Variants in RBKS observed in about 807,000 individuals in gnomAD.
The protein encoded by RBKS is ribokinase.
A neutral mutation model predicts 33.9 loss-of-function variants in RBKS; 33 were observed. The ratio of observed to expected loss-of-function variants is 0.97; its 90% CI spans 0.74 to 1.30. RBKS has a LOEUF of 1.30. RBKS is among the 50% of genes most tolerant of loss of function. RBKS has a pLI of 0.00. For missense variants in RBKS, 361 were observed against 392.6 expected, an observed-to-expected ratio of 0.92 and a Z score of 0.68; for synonymous variants, 125 against 143.0, an observed-to-expected ratio of 0.87 and a Z score of 0.90.
At chr2:27,857,596 G>C (rs1663883178) in intron 2 of RBKS, among the ~76,000 whole-genome samples, 1 of 152,172 alleles carries the variant, frequency 6.6e-6, no homozygotes, top group Non-Finnish European at 1.5e-5. Flanking sequence ...GTTATTACAA[G>C]AAGTTTCCAA....
At chr2:27,820,034 G>C (rs542202474) in intron 7 of RBKS, among the ~76,000 whole-genome samples, 1 of 152,322 alleles carries the variant, frequency 6.6e-6, no homozygotes, top group East Asian at 1.9e-4. Flanking sequence ...CCAGTTACAT[G>C]AAGATTATGA....
At chr2:27,839,109 A>G (rs1354949539) in intron 5 of RBKS, among the ~76,000 whole-genome samples, 3 of 152,148 alleles carry the variant, frequency 2.0e-5, no homozygotes, top group South Asian at 4.1e-4. Flanking sequence ...TTTGCTGTCC[A>G]TTACTCTAGA....
chr2:27,807,827 TC>T (rs1480785824), intron 7 of RBKS, among the ~76,000 whole-genome samples: 1 of 151,624 alleles, frequency 6.6e-6, no homozygotes, highest in Admixed American at 6.6e-5. Context: ...TGGGGGGGAA[TC>T]CCAGCAGAAA....
chr2:27,833,780 G>T (rs1288052502), intron 5 of RBKS, among the ~76,000 whole-genome samples: 1 of 152,192 alleles, frequency 6.6e-6, no homozygotes, highest in Non-Finnish European at 1.5e-5. Flanking sequence ...CAAGTCTTTA[G>T]AAATTACATT....
At position 27,841,348 on chromosome 2, in the gene RBKS, G is replaced by C. The variant is rs146883299; in HGVS notation, c.514+1719C>G. On this transcript the variant is annotated intron_variant, in intron 5 of 7. Coordinates refer to ENST00000302188, the MANE Select transcript of RBKS (RefSeq NM_022128.3). ...GCAGTAAGGGATAGTAGGAAAAAAA[G>C]AGAAGTTACACGAGAATGTGCTTTG... Among the ~76,000 whole-genome samples, 140 of 152,322 alleles carry C rather than the reference G, an allele frequency of 9.2e-4. 1 individual carries two copies. The highest frequency in any genetic ancestry group is 1.3e-3 in the African/African-American group (52 of 41,572).
chr2:27,820,948 G>C (rs1172702969), intron 7 of RBKS, among the ~76,000 whole-genome samples: 1 of 149,550 alleles, frequency 6.7e-6, no homozygotes, highest in African/African-American at 2.5e-5. Context: ...GCTGAGGCAG[G>C]AGAATCGCTT....
intron 1 of RBKS, chr2:27,870,797 C>T (rs1664193448): frequency 6.4e-6 from 3 of 465,772 alleles, no homozygotes; most frequent in Non-Finnish European, 1.3e-5. Context: ...TTCAGTTTTC[C>T]TGACATGTAA....
Position 27,786,147 on chromosome 2 carries a change from A to AT in RBKS, c.796-4360dup, listed in dbSNP as rs927823771. Among the ~76,000 whole-genome samples the AT allele has an allele frequency of 1.4e-4, 21 of 152,328 alleles. 1 individual carries two copies. The highest frequency in any genetic ancestry group is 5.8e-4 in the East Asian group (3 of 5,190). ...TACCTATCTATATGAGCATATGTGTATTTTTTTAAAGAATATAGAGAAAAA... is the reference window on the plus strand; with the variant it reads ...TACCTATCTATATGAGCATATGTGTATTTTTTTTAAAGAATATAGAGAAAAA... On this transcript the variant is annotated intron_variant, in intron 7 of 7. Coordinates refer to ENST00000302188, the MANE Select transcript of RBKS (RefSeq NM_022128.3).
intron 1 of RBKS, among the ~76,000 whole-genome samples, chr2:27,889,003 G>A (rs1478633786): frequency 6.6e-6 from 1 of 152,180 alleles, no homozygotes; most frequent in Non-Finnish European, 1.5e-5. Context: ...TCTAATATTT[G>A]TGGAAAAATA....
At chr2:27,860,975 C>CT (rs386389784) in intron 1 of RBKS, among the ~76,000 whole-genome samples, 37,862 of 149,430 alleles carry the variant, frequency 0.25, 5,644 homozygotes, top group East Asian at 0.62. Flanking sequence ...CTCTTTCTCT[C>CT]TTTTTTTTTT....
intron 5 of RBKS, among the ~76,000 whole-genome samples, chr2:27,839,036 C>T (rs1185326713): frequency 1.3e-5 from 2 of 152,064 alleles, no homozygotes; most frequent in Admixed American, 6.6e-5. Flanking sequence ...TCAGAGAAAC[C>T]GGGGAAGAAA....
intron 1 of RBKS, chr2:27,861,669 G>A: frequency 2.3e-6 from 1 of 429,778 alleles, no homozygotes; most frequent in Non-Finnish European, 4.8e-6. Context: ...TTTTTGGGGG[G>A]GGGGTGGAGT....
intron 5 of RBKS, among the ~76,000 whole-genome samples, chr2:27,834,726 T>G (rs56172905): frequency 0.07 from 10,725 of 152,298 alleles, 738 homozygotes; most frequent in African/African-American, 0.18. Context: ...GCTCACCTAG[T>G]GTAATCCACA....
At chr2:27,847,827 C>A (rs1034479141) in intron 3 of RBKS, among the ~76,000 whole-genome samples, 1 of 152,190 alleles carries the variant, frequency 6.6e-6, no homozygotes, top group African/African-American at 2.4e-5. Context: ...AGGTTTGTAA[C>A]CTCCTATCAT....
chr2:27,831,183 C>T (rs1471764007), intron 6 of RBKS, among the ~76,000 whole-genome samples: 1 of 141,262 alleles, frequency 7.1e-6, no homozygotes, highest in Non-Finnish European at 1.5e-5. Flanking sequence ...ATAATTATTG[C>T]TGTTGTAAGC....
chr2:27,866,071 C>A (rs781695149), intron 1 of RBKS, among the ~76,000 whole-genome samples: 6 of 152,046 alleles, frequency 3.9e-5, no homozygotes, highest in Non-Finnish European at 5.9e-5. Context: ...TTTGGTTCCA[C>A]CTAAAGGAAC....
intron 7 of RBKS, among the ~76,000 whole-genome samples, chr2:27,787,208 G>A (rs993090710): frequency 6.6e-6 from 1 of 152,112 alleles, no homozygotes; most frequent in African/African-American, 2.4e-5. Flanking sequence ...GCTCACGTCT[G>A]TAATCCCAGC....
At position 27,814,185 on chromosome 2, in the gene RBKS, C is replaced by T. The variant is rs573220940; in HGVS notation, c.795+13382G>A. Among the ~76,000 whole-genome samples the T allele has an allele frequency of 3.3e-5, 5 of 152,276 alleles. No individual in the cohort carries two copies. In the South Asian group the frequency reaches 1.0e-3, roughly 32 times the overall value. On this transcript the variant is annotated intron_variant, in intron 7 of 7. Coordinates refer to ENST00000302188, the MANE Select transcript of RBKS (RefSeq NM_022128.3). Reference sequence around the variant, plus strand: ...ACAGTGAACTATGATGGTGCCACTGCACTCCAGCATGGGTGGCAGAGTGAG... The same window carrying T: ...ACAGTGAACTATGATGGTGCCACTGTACTCCAGCATGGGTGGCAGAGTGAG...
chr2:27,798,196 G>T (rs1279886053), intron 7 of RBKS, among the ~76,000 whole-genome samples: 1 of 152,100 alleles, frequency 6.6e-6, no homozygotes, highest in Admixed American at 6.5e-5. Context: ...AAGTTGGGGG[G>T]TATGTAGCCA....
Sources: allele counts gnomAD v4.1 joint callset (sites outside exome capture counted in the v4.1 genomes callset), GRCh38; gene constraint gnomAD v4.1.1; transcripts MANE v1.5; gene names NCBI Gene and HGNC (gene_info 2026-07-23, HGNC 2026-07-21).